The following ATP9A variants were observed in gnomAD, a reference collection of about 807,000 sequenced individuals.
ATP9A encodes the protein probable phospholipid-transporting ATPase IIA.
ATP9A carries 52 observed loss-of-function variants against 144.1 expected under a neutral mutation model. That is an observed-to-expected ratio of 0.36 (90% CI 0.29 to 0.45). The LOEUF is 0.45. Among genes scored for constraint, ATP9A ranks in the 20% least tolerant of loss-of-function variants. ATP9A has a pLI of 1.00. For missense variants in ATP9A, 947 were observed against 1,392.7 expected (o/e 0.68, Z 5.09); for synonymous variants, 582 against 557.4 (o/e 1.04, Z -0.62).
chr20:51,604,777 T>C, intron 27 of ATP9A, 40 bp downstream of exon 27: 1 of 1,433,442 alleles, frequency 7.0e-7, no homozygotes, highest in Non-Finnish European at 9.2e-7. Flanking sequence ...CCAGATTCAC[T>C]GGGGGTGACG....
At chr20:51,644,627 G>A (rs987026138) in intron 14 of ATP9A, among the ~76,000 whole-genome samples, 5 of 151,710 alleles carry the variant, frequency 3.3e-5, no homozygotes, top group East Asian at 1.9e-4. Context: ...TTTCTTTTAC[G>A]TTTAACTTTA....
intron 4 of ATP9A, among the ~76,000 whole-genome samples, chr20:51,711,484 A>G (rs1402151414): frequency 6.6e-6 from 1 of 152,180 alleles, no homozygotes; most frequent in Non-Finnish European, 1.5e-5. Flanking sequence ...GCATCTAACC[A>G]TCTTATCTCT....
chr20:51,662,110 G>A (rs2077413235), intron 13 of ATP9A, among the ~76,000 whole-genome samples: 1 of 152,192 alleles, frequency 6.6e-6, no homozygotes, highest in Non-Finnish European at 1.5e-5. Context: ...TGAGAAGCCT[G>A]ACAGCCACTG....
intron 15 of ATP9A, among the ~76,000 whole-genome samples, chr20:51,638,410 A>AC (rs1395985318): frequency 6.6e-6 from 1 of 152,014 alleles, no homozygotes; most frequent in Admixed American, 6.6e-5. Context: ...CCCCACTCCA[A>AC]CATAGGTGTG....
chr20:51,599,736 C>T lies in ATP9A; in HGVS notation c.*1475G>A, dbSNP rs763565990. On this transcript the variant is annotated 3_prime_UTR_variant, in exon 28 of 28. Coordinates refer to ENST00000338821, the MANE Select transcript of ATP9A (RefSeq NM_006045.3). ...GAGTTAGTAGGCATCAGAAACCAGG[C>T]TGTGATGTACATCTCTGAAGCACAC... The T allele has an allele frequency of 5.3e-5, 8 of 152,232 alleles. No homozygotes were observed. Among genetic ancestry groups the T allele is most frequent in the Non-Finnish European group, 1.0e-4 (7 of 68,064 alleles). 9.4% of individuals were successfully genotyped at this position (152,232 alleles called of 1,614,324 possible).
chr20:51,745,426 CA>C (rs11483249), intron 1 of ATP9A, among the ~76,000 whole-genome samples: 55 of 142,564 alleles, frequency 3.9e-4, no homozygotes, highest in East Asian at 1.2e-3. Flanking sequence ...GATTCTGTCT[CA>C]AAAAAAAAAA....
chr20:51,689,740 C>G (rs2077538822), intron 8 of ATP9A, among the ~76,000 whole-genome samples: 1 of 151,116 alleles, frequency 6.6e-6, no homozygotes, highest in South Asian at 2.1e-4. Context: ...CAAATTAAAT[C>G]CAAATTAAAT....
chr20:51,672,572 T>C (rs2077460558), intron 11 of ATP9A, among the ~76,000 whole-genome samples: 2 of 152,166 alleles, frequency 1.3e-5, no homozygotes, highest in Non-Finnish European at 2.9e-5. Context: ...CCTGTCCCTG[T>C]CACACTGTTT....
chr20:51,601,876 C>T (rs1445982626), intron 27 of ATP9A, among the ~76,000 whole-genome samples: 1 of 152,036 alleles, frequency 6.6e-6, no homozygotes, highest in African/African-American at 2.4e-5. Flanking sequence ...CACCGCACTC[C>T]ACCCTGGGCA....
intron 7 of ATP9A, among the ~76,000 whole-genome samples, chr20:51,693,802 C>T (rs1480571314): frequency 2.0e-5 from 3 of 152,144 alleles, no homozygotes; most frequent in African/African-American, 7.2e-5. Flanking sequence ...TTTAGCTTCC[C>T]GCAGGAGAGC....
intron 1 of ATP9A, among the ~76,000 whole-genome samples, 180 bp downstream of exon 1, chr20:51,768,122 G>A (rs1249703294): frequency 3.3e-5 from 5 of 151,976 alleles, no homozygotes; most frequent in Non-Finnish European, 5.9e-5. Flanking sequence ...ATCAGGCTAG[G>A]TGCCGCCCGG....
intron 1 of ATP9A, among the ~76,000 whole-genome samples, chr20:51,749,049 T>C (rs1204430285): frequency 2.0e-5 from 3 of 152,084 alleles, no homozygotes. Context: ...TTCAATTTAA[T>C]ACTACAAAGG....
chr20:51,633,726 A>C (rs55640919), intron 15 of ATP9A, among the ~76,000 whole-genome samples: 1 of 152,036 alleles, frequency 6.6e-6, no homozygotes, highest in South Asian at 2.1e-4. Flanking sequence ...AGCCTAGGTA[A>C]CAGAGTGAGA....
chr20:51,611,136 C>A lies in ATP9A; in HGVS notation c.2572-971G>T, dbSNP rs922545304. Reference sequence around the variant, plus strand: ...TTTTAGAAAGCAGAAGAAAGCAAGGCAGAGATACCCTAGTCATTAGAAATA... The same window carrying A: ...TTTTAGAAAGCAGAAGAAAGCAAGGAAGAGATACCCTAGTCATTAGAAATA... On this transcript the variant is annotated intron_variant, in intron 23 of 27. Transcript: ENST00000338821. The surrounding 1 kb of genome is among the most constrained non-coding windows in gnomAD (Gnocchi z 4.2). Among the ~76,000 whole-genome samples the A allele has an allele frequency of 6.6e-6, 1 of 152,174 alleles. No homozygotes were observed. Among genetic ancestry groups the A allele is most frequent in the Non-Finnish European group, 1.5e-5 (1 of 68,042 alleles).
chr20:51,689,504 T>C (rs1344884039), intron 8 of ATP9A, among the ~76,000 whole-genome samples: 4 of 152,002 alleles, frequency 2.6e-5, no homozygotes, highest in Non-Finnish European at 4.4e-5. Context: ...CAATGTAATA[T>C]GGGTTCTAGA....
chr20:51,676,295 G>T, intron 9 of ATP9A, 87 bp from the exon 10 acceptor site: 3 of 1,033,114 alleles, frequency 2.9e-6, no homozygotes, highest in Non-Finnish European at 4.2e-6. Flanking sequence ...TGATCCTCTT[G>T]AGAGACTGGG....
intron 1 of ATP9A, among the ~76,000 whole-genome samples, chr20:51,758,981 T>C (rs1308074579): frequency 6.6e-6 from 1 of 152,184 alleles, no homozygotes. Flanking sequence ...GGCACCCATG[T>C]CCACACTCCA....
intron 4 of ATP9A, among the ~76,000 whole-genome samples, chr20:51,699,116 T>C (rs1047105511): frequency 6.6e-6 from 1 of 151,946 alleles, no homozygotes; most frequent in Admixed American, 6.6e-5. Context: ...CCGAGGCAGG[T>C]AGATCACCTG....
intron 4 of ATP9A, among the ~76,000 whole-genome samples, chr20:51,712,069 C>T (rs1212507738): frequency 7.3e-6 from 1 of 136,662 alleles, no homozygotes; most frequent in Admixed American, 7.6e-5. Flanking sequence ...GTTGGCCAGG[C>T]TGGTCTTTTT....
Sources: allele counts gnomAD v4.1 joint callset (sites outside exome capture counted in the v4.1 genomes callset), GRCh38; gene constraint gnomAD v4.1.1; non-coding constraint Gnocchi (gnomAD v3.1); transcripts MANE v1.5; gene names NCBI Gene and HGNC (gene_info 2026-07-23, HGNC 2026-07-21).